Variants in KDM3B observed in about 807,000 individuals in gnomAD.
KDM3B encodes lysine demethylase 3B, also known as lysine-specific demethylase 3B.
In KDM3B, 10 loss-of-function variants were observed where a neutral mutation model predicts 170.0. The ratio of observed to expected loss-of-function variants is 0.06; its 90% CI spans 0.04 to 0.10. The LOEUF is 0.10. KDM3B is among the 10% of genes least tolerant of loss of function. KDM3B has a pLI of 1.00. For missense variants in KDM3B, 1,394 were observed against 2,195.2 expected, an observed-to-expected ratio of 0.64 and a Z score of 7.29; for synonymous variants, 831 against 834.8, an observed-to-expected ratio of 1.00 and a Z score of 0.08.
At chr5:138,358,120 C>T (rs1426485434) in intron 1 of KDM3B, among the ~76,000 whole-genome samples, 4 of 151,526 alleles carry the variant, frequency 2.6e-5, no homozygotes, top group Non-Finnish European at 4.4e-5. Context: ...GCCTCAGCCT[C>T]GCAAGTAGTT....
chr5:138,399,656 T>G (rs1173760469), intron 10 of KDM3B, among the ~76,000 whole-genome samples: 1 of 152,194 alleles, frequency 6.6e-6, no homozygotes, highest in African/African-American at 2.4e-5. Context: ...TACCATTATA[T>G]TATAAATAAG....
intron 1 of KDM3B, among the ~76,000 whole-genome samples, chr5:138,355,508 TCAC>T (rs1372741995): frequency 6.6e-6 from 1 of 152,232 alleles, no homozygotes; most frequent in African/African-American, 2.4e-5. Context: ...GTGGACATCT[TCAC>T]CAGCAGAAGC....
intron 14 of KDM3B, 121 bp downstream of exon 14, chr5:138,419,353 A>G (rs1422845571): frequency 4.0e-6 from 5 of 1,239,828 alleles, no homozygotes; most frequent in Admixed American, 2.6e-5. Context: ...TTCTCTGGCT[A>G]ATCACATGAG....
intron 1 of KDM3B, among the ~76,000 whole-genome samples, chr5:138,363,429 C>G (rs1761665117): frequency 6.6e-6 from 1 of 152,014 alleles, no homozygotes; most frequent in African/African-American, 2.4e-5. Context: ...GTACACTGGC[C>G]CTTAGTTTTG....
intron 1 of KDM3B, among the ~76,000 whole-genome samples, chr5:138,362,775 C>T (rs1358083539): frequency 6.7e-6 from 1 of 148,300 alleles, no homozygotes; most frequent in Non-Finnish European, 1.5e-5. Flanking sequence ...TTTTAGGGTA[C>T]ATGTGCACAA....
chr5:138,366,920 A>T (rs1761760928), intron 1 of KDM3B, among the ~76,000 whole-genome samples: 1 of 152,244 alleles, frequency 6.6e-6, no homozygotes, highest in African/African-American at 2.4e-5. Context: ...TTAATATGCC[A>T]GTCAAAGCTC....
chr5:138,354,693 A>G (rs1761409012), intron 1 of KDM3B, among the ~76,000 whole-genome samples: 1 of 152,196 alleles, frequency 6.6e-6, no homozygotes, highest in African/African-American at 2.4e-5. Flanking sequence ...TTTACCACTG[A>G]TCCCACGGAA....
chr5:138,382,274 G>A (rs1335476607), intron 6 of KDM3B, among the ~76,000 whole-genome samples: 10 of 151,642 alleles, frequency 6.6e-5, no homozygotes, highest in East Asian at 1.9e-4. Context: ...GTGGTGAAAC[G>A]CTGTCTCTAC....
intron 1 of KDM3B, among the ~76,000 whole-genome samples, chr5:138,363,569 C>T (rs552966071): frequency 9.8e-4 from 149 of 152,164 alleles, no homozygotes; most frequent in Non-Finnish European, 1.6e-3. Flanking sequence ...TTTTTTGAGA[C>T]GGAGTCTCGC....
chr5:138,371,765 G>C (rs1761880491), intron 1 of KDM3B, among the ~76,000 whole-genome samples: 1 of 152,130 alleles, frequency 6.6e-6, no homozygotes, highest in Non-Finnish European at 1.5e-5. Context: ...AGAAGTTCAA[G>C]ACTGGCCTGG....
chr5:138,409,106 C>T (rs1274164777), intron 11 of KDM3B, among the ~76,000 whole-genome samples: 1 of 152,154 alleles, frequency 6.6e-6, no homozygotes, highest in Non-Finnish European at 1.5e-5. Context: ...TTGACTTCTT[C>T]CTCTTAGGTT....
chr5:138,389,460 A>G (rs1033846542), intron 7 of KDM3B, among the ~76,000 whole-genome samples: 2 of 152,194 alleles, frequency 1.3e-5, no homozygotes, highest in African/African-American at 4.8e-5. Context: ...TTGTAGTAAA[A>G]TACACATAAT....
chr5:138,403,677 C>CAA lies in KDM3B; in HGVS notation c.3199+3679_3199+3680dup, dbSNP rs35608823. ...GGGCAACAAGAGCGAAACTCTGTCT[C>CAA]AAAAAAAAAAAAAAAGAATAGAAAA... On this transcript the variant is annotated intron_variant, in intron 11 of 23. Transcript: ENST00000314358. Among the ~76,000 whole-genome samples the CAA allele has an allele frequency of 2.7e-3, 358 of 132,164 alleles. 2 individuals are homozygous for CAA. Among genetic ancestry groups the CAA allele is most frequent in the African/African-American group, 7.4e-3 (259 of 35,102 alleles). The allele number at this position is 132,164 out of a possible 152,430, so 86.7% of individuals were successfully genotyped here.
At chr5:138,420,116 G>A (rs1367602324) in intron 14 of KDM3B, among the ~76,000 whole-genome samples, 2 of 152,128 alleles carry the variant, frequency 1.3e-5, no homozygotes, top group Non-Finnish European at 2.9e-5. Context: ...TCAAACTCCC[G>A]ACCTCAAGTG....
intron 9 of KDM3B, among the ~76,000 whole-genome samples, chr5:138,393,904 G>A (rs530413566): frequency 1.3e-4 from 20 of 152,168 alleles, no homozygotes; most frequent in Admixed American, 1.2e-3. Context: ...TTTCTTCTGA[G>A]TGACCTTTCA....
chr5:138,365,551 C>T (rs181940576), intron 1 of KDM3B, among the ~76,000 whole-genome samples: 113 of 152,090 alleles, frequency 7.4e-4, no homozygotes, highest in Non-Finnish European at 4.1e-4. Context: ...AGCCATGGCG[C>T]ATGGCCTATA....
In KDM3B at chr5:138,386,510, G is replaced by A. The variant is rs1466352168; in HGVS notation, c.1269G>A (p.Val423=). 4 of 1,614,138 alleles carry A rather than the reference G, an allele frequency of 2.5e-6. No individual in the cohort carries two copies. The South Asian group carries it at 4.4e-5, about 18-fold the overall frequency. ...AGGGCATAGTGGCTTCCGCAGCTGTGGTCACTACCGCCAGCTCCACCCCAA... is the reference window on the plus strand; with the variant it reads ...AGGGCATAGTGGCTTCCGCAGCTGTAGTCACTACCGCCAGCTCCACCCCAA... ...VGQGIVASAA[V]VTTASSTPNT... The change falls in exon 7 of 24, where the codon GTG becomes GTA. Residue 423 remains valine, a synonymous_variant. Coordinates refer to ENST00000314358, the MANE Select transcript of KDM3B (RefSeq NM_016604.4).
At chr5:138,427,136 A>G (rs566729234) in intron 18 of KDM3B, 53 bp from the exon 19 acceptor site, 43 of 1,607,296 alleles carry the variant, frequency 2.7e-5, no homozygotes, top group South Asian at 1.9e-4. Context: ...AAATTTGTCT[A>G]TTGGCTTTCT....
chr5:138,355,021 A>T (rs1761416239), intron 1 of KDM3B, among the ~76,000 whole-genome samples: 1 of 152,140 alleles, frequency 6.6e-6, no homozygotes, highest in Admixed American at 6.5e-5. Context: ...TTTTCTCATT[A>T]AGAGAGATTT....
Sources: gnomAD v4.1 joint callset for allele counts (sites outside exome capture counted in the v4.1 genomes callset) on GRCh38, gnomAD v4.1.1 for gene constraint, MANE v1.5 for transcripts, NCBI Gene and HGNC (gene_info 2026-07-23, HGNC 2026-07-21) for gene names.